The following MRPL43 variants were observed in gnomAD, a reference collection of about 807,000 sequenced individuals.
MRPL43 encodes large ribosomal subunit protein mL43.
A neutral mutation model predicts 12.7 loss-of-function variants in MRPL43; 9 were observed. The ratio of observed to expected loss-of-function variants is 0.71; its 90% CI spans 0.43 to 1.24. The LOEUF is 1.24. Ranked by LOEUF, MRPL43 falls within the 50% of genes most tolerant of loss-of-function variation. MRPL43 has a pLI of 0.00. For missense variants in MRPL43, 211 were observed against 229.2 expected (o/e 0.92, Z 0.51); for synonymous variants, 116 against 96.4 (o/e 1.20, Z -1.19).
downstream of MRPL43, chr10:100,977,976 T>G (rs1454899297): frequency 1.2e-5 from 7 of 572,780 alleles, no homozygotes; most frequent in Admixed American, 1.8e-4. Context: ...CTGGCAAACT[T>G]CATTTAACCC....
downstream of MRPL43, chr10:100,984,453 T>C (rs1851319701): frequency 6.6e-7 from 1 of 1,516,064 alleles, no homozygotes; most frequent in Admixed American, 2.0e-5. Context: ...ATCCTCCTGT[T>C]CCATTCATCT....
Position 100,986,893 on chromosome 10 carries a change from C to G in MRPL43, c.321G>C (p.Gln107His). 1 of 1,612,814 alleles carries G rather than the reference C, an allele frequency of 6.2e-7. No individual in the cohort carries two copies. Residue 107 changes from glutamine (Q) to histidine (H), a missense_variant, in exon 3 of 3, where the codon CAG (glutamine) becomes CAC (histidine). Physicochemically the swap from Gln to His is conservative, Grantham distance 24. Transcript: ENST00000318364. ...ISTLVQKLAD[Q>H]SGLDVIRIRK... ...GGATGCGGATCACGTCCAAGCCCGA[C>G]TGGTCGGCCAGCTTCTGCACCAGCG...
downstream of MRPL43, chr10:100,978,676 G>A (rs1319569661): frequency 7.5e-6 from 12 of 1,594,058 alleles, no homozygotes; most frequent in Non-Finnish European, 9.5e-6. Flanking sequence ...TGGGGGGTAG[G>A]GGACTATTTC....
At chr10:100,980,304 G>A (rs1851002277), downstream of MRPL43, 9 of 1,614,038 alleles carry the variant, frequency 5.6e-6, no homozygotes, top group Middle Eastern at 1.6e-4. Context: ...CTGTCACCAC[G>A]CCTGCTGGAC....
chr10:100,983,297 C>T (rs760659310), downstream of MRPL43: 4 of 1,519,962 alleles, frequency 2.6e-6, no homozygotes, highest in Admixed American at 8.1e-5. Context: ...CTCCCCCAAA[C>T]CCCACAGGGC....
chr10:100,987,218 G>A lies in MRPL43; in HGVS notation c.132-22C>T, dbSNP rs760611463. 7 of 1,613,486 alleles carry A rather than the reference G, an allele frequency of 4.3e-6. No individual in the cohort carries two copies. In the East Asian group the frequency reaches 1.1e-4, roughly 26 times the overall value. ...CTCCCTAAGCGACCCGGGACAGTGA[G>A]CAGTATGACCCCTGACTGGGGGCGA... On this transcript the variant is annotated intron_variant, in intron 1 of 2. Transcript: ENST00000318364.
At chr10:100,979,589 C>G (rs546819866), downstream of MRPL43, among the ~76,000 whole-genome samples, 1 of 152,152 alleles carries the variant, frequency 6.6e-6, no homozygotes, top group South Asian at 2.1e-4. Flanking sequence ...CACTGTGTTG[C>G]CCAGGATGGT....
At chr10:100,984,798 G>A (rs1851347910), downstream of MRPL43, 1 of 1,535,360 alleles carries the variant, frequency 6.5e-7, no homozygotes, top group Non-Finnish European at 8.7e-7. Flanking sequence ...GGGCCAGCCT[G>A]GGGAGGTAAG....
At chr10:100,979,952 G>A (rs759217416), downstream of MRPL43, 5 of 1,614,104 alleles carry the variant, frequency 3.1e-6, no homozygotes, top group Admixed American at 8.3e-5. Flanking sequence ...CGGCGCTGGG[G>A]TCGCTATGAG....
chr10:100,978,830 C>A, downstream of MRPL43: 1 of 1,610,914 alleles, frequency 6.2e-7, no homozygotes, highest in South Asian at 1.1e-5. Context: ...AAAAGCCTCT[C>A]AAACTGCCTG....
chr10:100,984,555 G>A, downstream of MRPL43: 1 of 1,536,176 alleles, frequency 6.5e-7, no homozygotes, highest in Non-Finnish European at 8.7e-7. Context: ...TGTGCTGGAT[G>A]GTCCTGAAAC....
At chr10:100,983,402 A>G, downstream of MRPL43, 1 of 1,612,358 alleles carries the variant, frequency 6.2e-7, no homozygotes, top group Non-Finnish European at 8.5e-7. Context: ...CCTTGTGGCT[A>G]CTCAATGGGA....
downstream of MRPL43, chr10:100,979,753 T>A: frequency 7.0e-7 from 1 of 1,435,086 alleles, no homozygotes; most frequent in Admixed American, 1.8e-5. Flanking sequence ...TAGCTGGGGT[T>A]GGCCAGGGTA....
At chr10:100,983,459 C>A (rs142773171), downstream of MRPL43, 2 of 1,613,986 alleles carry the variant, frequency 1.2e-6, no homozygotes, top group South Asian at 2.2e-5. Flanking sequence ...TGGGCGTGGA[C>A]GGGCTGCTGG....
At chr10:100,983,818 C>T (rs375760083), downstream of MRPL43, 22 of 1,602,042 alleles carry the variant, frequency 1.4e-5, no homozygotes, top group African/African-American at 2.9e-4. Context: ...GGCCAGTGTC[C>T]TGGAGAGGAA....
chr10:100,977,874 G>A (rs1471001412), downstream of MRPL43: 31 of 684,548 alleles, frequency 4.5e-5, no homozygotes, highest in South Asian at 2.1e-4. Flanking sequence ...CTCCAGTGGC[G>A]GCGGGCTGCA....
At chr10:100,986,142 G>T, downstream of MRPL43, 1 of 316,586 alleles carries the variant, frequency 3.2e-6, no homozygotes, top group Non-Finnish European at 5.1e-6. Flanking sequence ...TCAGGGGTCA[G>T]GCCTAGATTA....
downstream of MRPL43, chr10:100,983,832 G>A: frequency 6.3e-7 from 1 of 1,598,658 alleles, no homozygotes; most frequent in Admixed American, 1.7e-5. Flanking sequence ...AGAGGAAGAT[G>A]AGGGTGATGA....
At position 100,986,311 on chromosome 10, in the gene MRPL43, T is replaced by A; in HGVS notation, c.*423A>T. 7.2e-7 allele frequency: 1 copy of A among 1,396,736 alleles called. No homozygotes were observed. 86.5% of individuals were successfully genotyped at this position (1,396,736 alleles called of 1,614,324 possible). A position where few individuals can be genotyped will look rare whatever the true frequency, so the allele number is the denominator to read the frequency against. On this transcript the variant is annotated 3_prime_UTR_variant, in exon 3 of 3. Coordinates refer to ENST00000318364, the MANE Select transcript of MRPL43 (RefSeq NM_032112.3). ...TAAGTTTATTAACCTGTTTTATAAA[T>A]CTGTATTCACACAGATATAAAGTGC...
Sources: gnomAD v4.1 joint callset for allele counts (sites outside exome capture counted in the v4.1 genomes callset) on GRCh38, gnomAD v4.1.1 for gene constraint, MANE v1.5 for transcripts, NCBI Gene and HGNC (gene_info 2026-07-23, HGNC 2026-07-21) for gene names.